Variants in DIXDC1 observed in about 807,000 individuals in gnomAD.
The protein encoded by DIXDC1 is DIX domain containing 1, also known as dixin.
A neutral mutation model predicts 103.1 loss-of-function variants in DIXDC1; 64 were observed. The ratio of observed to expected loss-of-function variants is 0.62; its 90% CI spans 0.51 to 0.76. The LOEUF is 0.76. DIXDC1 is among the 30% of genes least tolerant of loss of function. The probability of loss-of-function intolerance (pLI) is 0.00; values close to 1 mark genes in which losing one functional copy is unlikely to be tolerated. For missense variants in DIXDC1, 759 were observed against 834.2 expected (o/e 0.91, Z 1.11); for synonymous variants, 266 against 298.5 (o/e 0.89, Z 1.12).
At chr11:111,956,884 G>A (rs1483541128) in intron 1 of DIXDC1, among the ~76,000 whole-genome samples, 2 of 146,916 alleles carry the variant, frequency 1.4e-5, no homozygotes, top group Non-Finnish European at 3.1e-5. Context: ...ATGGGGGAGA[G>A]GGCCAGGCAT....
intron 3 of DIXDC1, among the ~76,000 whole-genome samples, chr11:111,971,476 G>T (rs1432172900): frequency 4.6e-5 from 7 of 152,228 alleles, no homozygotes; most frequent in Admixed American, 4.6e-4. Flanking sequence ...CAAGGCTGTG[G>T]AGAAAAGGGG....
intron 5 of DIXDC1, among the ~76,000 whole-genome samples, chr11:111,979,528 C>A (rs776851545): frequency 5.3e-4 from 81 of 152,166 alleles, no homozygotes; most frequent in Non-Finnish European, 9.6e-4. Context: ...AGAGATGGCT[C>A]GAGACTCCTT....
rs1555174197 is a variant in DIXDC1 at position 111,989,008 on chromosome 11, G to A, written c.1066G>A (p.Glu356Lys). ...TCTAACTATATTTGGTTTGCAGAAG[G>A]AACTGCTGAAATGTAAACAAGAAGC... ...SMEENQDLKK[E>K]LLKCKQEARN... is the part of the protein sequence containing the mutation. Residue 356 changes from glutamate (E) to lysine (K), a missense_variant, in exon 10 of 20, where the codon GAA (glutamate) becomes AAA (lysine). Glu to Lys is a moderately conservative substitution (Grantham distance 56). Coordinates refer to ENST00000440460, the MANE Select transcript of DIXDC1 (RefSeq NM_001037954.4). 6 of 1,610,926 alleles carry A rather than the reference G, an allele frequency of 3.7e-6. No homozygotes were observed. The South Asian group carries it at 5.5e-5, about 15-fold the overall frequency.
At chr11:111,936,960 C>T (rs1215150712), upstream of DIXDC1, among the ~76,000 whole-genome samples, 38 of 151,286 alleles carry the variant, frequency 2.5e-4, no homozygotes, top group Non-Finnish European at 1.5e-4. Flanking sequence ...CGCATGCATA[C>T]GCCAGCCGGG....
In DIXDC1 at chr11:111,977,766, G is replaced by A. The variant is rs1860162209; in HGVS notation, c.656+2783G>A. On this transcript the variant is annotated intron_variant, in intron 5 of 19. Transcript: ENST00000440460. The surrounding 1 kb of genome is among the most constrained non-coding windows in gnomAD (Gnocchi z 6.1). ...GCTTGCTGAAGCCCGAGACAGGAGG[G>A]GGACCATGGGAGGGACGCAAGTCAA... The A allele has an allele frequency of 6.4e-7, 1 of 1,566,388 alleles. No homozygotes were observed. The highest frequency in any genetic ancestry group is 8.7e-7 in the Non-Finnish European group (1 of 1,156,042).
At chr11:112,007,362 A>G (rs1555176708) in intron 17 of DIXDC1, among the ~76,000 whole-genome samples, 2 of 152,234 alleles carry the variant, frequency 1.3e-5, no homozygotes, top group Non-Finnish European at 2.9e-5. Flanking sequence ...GGGAGAATGG[A>G]ACCAAGTTGG....
At chr11:112,013,324 G>C (rs1566582105) in intron 17 of DIXDC1, among the ~76,000 whole-genome samples, 1 of 130,612 alleles carries the variant, frequency 7.7e-6, no homozygotes, top group Non-Finnish European at 1.6e-5. Flanking sequence ...CGGGGGGTGG[G>C]GGTGGGGTGG....
chr11:112,010,367 G>C (rs1340518672), intron 17 of DIXDC1, among the ~76,000 whole-genome samples: 3 of 152,160 alleles, frequency 2.0e-5, no homozygotes, highest in African/African-American at 7.2e-5. Flanking sequence ...TCATGAAAAT[G>C]GCCACACTGC....
intron 7 of DIXDC1, among the ~76,000 whole-genome samples, chr11:111,982,760 G>C (rs587756851): frequency 2.4e-4 from 37 of 152,328 alleles, no homozygotes; most frequent in African/African-American, 8.9e-4. Flanking sequence ...TTGACTCTGT[G>C]CTACATAGGT....
chr11:112,022,024 C>T lies in DIXDC1; in HGVS notation c.*2988C>T, dbSNP rs950124177. On this transcript the variant is annotated 3_prime_UTR_variant, in exon 20 of 20. Coordinates refer to ENST00000440460, the MANE Select transcript of DIXDC1 (RefSeq NM_001037954.4). This position sits in a 1 kb window ranked among gnomAD's most constrained non-coding sequence, Gnocchi z 4.9. ...TCATTTAAAAACTGAAGAATGTTCT[C>T]TTCTTGCTCAGTTCCCTAAATTAGC... The T allele has an allele frequency of 2.0e-5, 3 of 150,380 alleles. No individual in the cohort carries two copies. The highest frequency in any genetic ancestry group is 4.4e-5 in the Non-Finnish European group (3 of 67,784). 9.3% of individuals were successfully genotyped at this position (150,380 alleles called of 1,614,324 possible).
intron 6 of DIXDC1, among the ~76,000 whole-genome samples, chr11:111,981,434 A>C (rs1168312700): frequency 6.6e-6 from 1 of 152,216 alleles, no homozygotes; most frequent in African/African-American, 2.4e-5. Flanking sequence ...AAGAGTTGTA[A>C]TGAAACACAG....
At chr11:111,933,607 T>G (rs1555167873), upstream of DIXDC1, among the ~76,000 whole-genome samples, 1 of 151,966 alleles carries the variant, frequency 6.6e-6, no homozygotes, top group East Asian at 1.9e-4. Flanking sequence ...TTTTTGTATT[T>G]TTTTGTATTA....
intron 19 of DIXDC1, 23 bp from the exon 20 acceptor site, chr11:112,018,933 T>C: frequency 6.2e-7 from 1 of 1,604,822 alleles, no homozygotes; most frequent in Non-Finnish European, 8.5e-7. Context: ...TTTTTCACTG[T>C]GGCTTTTTGT....
rs144029322 is a variant in DIXDC1, at chr11:111,992,513, C to T, written c.1212C>T (p.Asn404=). The part of the protein sequence containing the change: ...RANMDKDELH[N]QNVDLQRKLD... ...ATATGGACAAAGATGAGCTGCACAA[C>T]CAGAATGTGAGTTAAATGAATGAGC... The change falls in exon 11 of 20, where the codon AAC becomes AAT. Residue 404 remains asparagine (N), a synonymous_variant. Coordinates refer to ENST00000440460, the MANE Select transcript of DIXDC1 (RefSeq NM_001037954.4). 1.3e-5 allele frequency: 21 copies of T among 1,563,174 alleles called. 1 individual carries two copies. In the African/African-American group the frequency reaches 2.6e-4, roughly 19 times the overall value.
At chr11:111,935,736 C>T (rs1347758503), upstream of DIXDC1, among the ~76,000 whole-genome samples, 3 of 152,174 alleles carry the variant, frequency 2.0e-5, no homozygotes, top group African/African-American at 4.8e-5. Context: ...CAGTTAAATT[C>T]CTCAGCTAGA....
In DIXDC1 at chr11:111,960,870, T is replaced by G. The variant is rs77199272; in HGVS notation, c.61-3679T>G. Among the ~76,000 whole-genome samples the G allele has an allele frequency of 6.9e-3, 1,047 of 152,236 alleles. 35 individuals are homozygous for G. In the East Asian group the frequency reaches 0.11, roughly 15 times the overall value. On this transcript the variant is annotated intron_variant, in intron 1 of 19. Transcript: ENST00000440460. ...CTGGACTGTTTCGCTGGGAAAAGACTCAAATCAGCTTTACAAGAATCATAT... is the reference window on the plus strand; with the variant it reads ...CTGGACTGTTTCGCTGGGAAAAGACGCAAATCAGCTTTACAAGAATCATAT...
chr11:111,952,494 C>T (rs1435581769), intron 1 of DIXDC1, among the ~76,000 whole-genome samples: 1 of 152,058 alleles, frequency 6.6e-6, no homozygotes, highest in Non-Finnish European at 1.5e-5. Flanking sequence ...AAGTTCTAGC[C>T]TGAGCAACAA....
upstream of DIXDC1, among the ~76,000 whole-genome samples, chr11:111,935,116 A>G (rs114353213): frequency 0.043 from 6,547 of 152,286 alleles, 502 homozygotes; most frequent in African/African-American, 0.15. Flanking sequence ...TATGCCTTAT[A>G]ATACATTTTA....
At chr11:111,940,431 A>G (rs950943639) in intron 1 of DIXDC1, among the ~76,000 whole-genome samples, 6 of 152,004 alleles carry the variant, frequency 3.9e-5, no homozygotes, top group Admixed American at 6.5e-5. Flanking sequence ...AATCTCCCCA[A>G]TCTGCATCTG....
Sources: gnomAD v4.1 joint callset for allele counts (sites outside exome capture counted in the v4.1 genomes callset) on GRCh38, gnomAD v4.1.1 for gene constraint, Gnocchi (gnomAD v3.1) non-coding constraint, MANE v1.5 for transcripts, NCBI Gene and HGNC (gene_info 2026-07-23, HGNC 2026-07-21) for gene names.